The following TRIM55 variants were observed in gnomAD, a reference collection of about 807,000 sequenced individuals.
The protein encoded by TRIM55 is tripartite motif-containing protein 55.
A neutral mutation model predicts 60.9 loss-of-function variants in TRIM55; 50 were observed. The observed-to-expected ratio is 0.82, with a 90% CI of 0.65 to 1.04. The LOEUF is 1.04. Ranked by LOEUF, TRIM55 falls within the 50% of genes least tolerant of loss-of-function variation. TRIM55 has a pLI of 0.00. For synonymous variants in TRIM55, 237 were observed against 238.1 expected, an observed-to-expected ratio of 1.00 and a Z score of 0.04; for missense variants, 681 against 666.9, an observed-to-expected ratio of 1.02 and a Z score of -0.23.
At chr8:66,156,380 A>C (rs972988181) in intron 9 of TRIM55, among the ~76,000 whole-genome samples, 3 of 152,194 alleles carry the variant, frequency 2.0e-5, no homozygotes, top group African/African-American at 7.2e-5. Flanking sequence ...ACCAGCTATC[A>C]GGAATTAGAA....
intron 1 of TRIM55, 107 bp downstream of exon 1, chr8:66,127,543 G>A: frequency 7.3e-7 from 1 of 1,374,500 alleles, no homozygotes; most frequent in South Asian, 1.3e-5. Flanking sequence ...ACTTTATAAG[G>A]TTGCCGGGCG....
chr8:66,162,609 T>C (rs556438798), intron 9 of TRIM55, among the ~76,000 whole-genome samples: 5 of 152,250 alleles, frequency 3.3e-5, no homozygotes, highest in Non-Finnish European at 7.4e-5. Flanking sequence ...AATTCTTCTT[T>C]GAATGTCTGA....
At chr8:66,114,695 C>T in the TRIM55 span, 1 of 453,652 alleles carries the variant, frequency 2.2e-6, no homozygotes, top group South Asian at 1.6e-5. Context: ...AACTGTTCGG[C>T]CCCATCTCAA....
At chr8:66,133,210 A>C (rs903667705) in intron 2 of TRIM55, among the ~76,000 whole-genome samples, 1 of 152,208 alleles carries the variant, frequency 6.6e-6, no homozygotes. Context: ...CAGGAGTGCC[A>C]GGTGATCCCA....
At chr8:66,171,870 T>C (rs949797716) in intron 9 of TRIM55, among the ~76,000 whole-genome samples, 1 of 152,202 alleles carries the variant, frequency 6.6e-6, no homozygotes, top group African/African-American at 2.4e-5. Flanking sequence ...GACAGTGTCA[T>C]TGATGCCTGT....
chr8:66,160,291 AAT>A (rs779867704), intron 9 of TRIM55, among the ~76,000 whole-genome samples: 46 of 152,102 alleles, frequency 3.0e-4, no homozygotes, highest in Non-Finnish European at 5.1e-4. Flanking sequence ...AATAGTCTCC[AAT>A]TCCATCCAGG....
chr8:66,155,521 C>A (rs1563385066), intron 9 of TRIM55: 1 of 794,620 alleles, frequency 1.3e-6, no homozygotes, highest in Non-Finnish European at 2.0e-6. Flanking sequence ...CCATGAAGAG[C>A]ACGTAGTAGG....
chr8:66,152,170 A>G, intron 7 of TRIM55: 2 of 632,952 alleles, frequency 3.2e-6, no homozygotes. Context: ...AACAAGGAGG[A>G]TAGGGATGGT....
chr8:66,147,811 A>C (rs555102762), intron 4 of TRIM55, among the ~76,000 whole-genome samples: 16 of 144,998 alleles, frequency 1.1e-4, no homozygotes, highest in South Asian at 6.3e-4. Flanking sequence ...AAAAAAAAAA[A>C]AAAAAACCAC....
chr8:66,145,420 G>A (rs574796008), intron 4 of TRIM55, among the ~76,000 whole-genome samples: 1 of 151,972 alleles, frequency 6.6e-6, no homozygotes, highest in Admixed American at 6.6e-5. Context: ...AGAGAAAAAA[G>A]TTTTTTCCAT....
intron 9 of TRIM55, among the ~76,000 whole-genome samples, chr8:66,173,023 G>A (rs1811731704): frequency 6.6e-6 from 1 of 152,132 alleles, no homozygotes; most frequent in Non-Finnish European, 1.5e-5. Context: ...GGGCAAGGAA[G>A]GAGTTGGACG....
rs1809407717 is a variant in TRIM55, at chr8:66,135,151, A to G, written c.503A>G (p.Gln168Arg). ...CCCCTCACTCATGTGTTCCAGAGAC[A>G]GAAGGTAACAGAGCTGCTCCCTCCC... ...VAPLTHVFQRQKSELSDGIAI... is the reference protein window; with the variant it reads ...VAPLTHVFQRRKSELSDGIAI... The change falls in exon 3 of 10, where the codon CAG becomes CGG. Residue 168 changes from glutamine (Q) to arginine (R), a missense_variant. By Grantham distance (43) the Gln-to-Arg change is conservative. Coordinates refer to ENST00000315962, the MANE Select transcript of TRIM55 (RefSeq NM_184085.2). 6.2e-7 allele frequency: 1 copy of G among 1,613,978 alleles called. No individual in the cohort carries two copies. Among genetic ancestry groups the G allele is most frequent in the Admixed American group, 1.7e-5 (1 of 59,988 alleles).
intron 2 of TRIM55, among the ~76,000 whole-genome samples, chr8:66,134,685 T>A (rs1381120191): frequency 6.6e-6 from 1 of 152,082 alleles, no homozygotes; most frequent in African/African-American, 2.4e-5. Context: ...TTAAATAACT[T>A]AAAATTGGCC....
chr8:66,162,458 A>G (rs1274621434), intron 9 of TRIM55, among the ~76,000 whole-genome samples: 2 of 150,932 alleles, frequency 1.3e-5, no homozygotes, highest in Admixed American at 6.6e-5. Context: ...TATGTTCATC[A>G]GGGATATTGG....
intron 2 of TRIM55, among the ~76,000 whole-genome samples, chr8:66,129,037 G>A (rs971174900): frequency 3.9e-5 from 6 of 152,006 alleles, no homozygotes; most frequent in Admixed American, 3.9e-4. Flanking sequence ...TGGCCTTTAG[G>A]GACTTAAACT....
the TRIM55 span, among the ~76,000 whole-genome samples, chr8:66,121,116 T>C: frequency 6.6e-6 from 1 of 152,234 alleles, no homozygotes; most frequent in African/African-American, 2.4e-5. Flanking sequence ...TTTTTGTTGT[T>C]ACCCTTCAGC....
Position 66,135,057 on chromosome 8 carries a change from C to T in TRIM55, c.409C>T (p.Leu137=). The change falls in exon 3 of 10, where the codon CTG becomes TTG. Residue 137 remains leucine (L), a synonymous_variant. Transcript: ENST00000315962. ...AGAGGAGCGCATCAACATCTACTGT[C>T]TGAACTGCGAAGTACCCACCTGCTC... ...HEEERINIYC[L]NCEVPTCSLC... 1 of 1,614,232 alleles carries T rather than the reference C, an allele frequency of 6.2e-7. No individual in the cohort carries two copies. Among genetic ancestry groups the T allele is most frequent in the Non-Finnish European group, 8.5e-7 (1 of 1,180,048 alleles).
chr8:66,126,138 A>T (rs1397752963), upstream of TRIM55, among the ~76,000 whole-genome samples: 1 of 152,226 alleles, frequency 6.6e-6, no homozygotes, highest in East Asian at 1.9e-4. Context: ...AAGGGAGAAT[A>T]GGTATTTTGG....
the TRIM55 span, among the ~76,000 whole-genome samples, chr8:66,113,988 C>T: frequency 2.6e-5 from 4 of 151,224 alleles, no homozygotes; most frequent in Non-Finnish European, 4.4e-5. Context: ...GTGCCCGCTC[C>T]CTTCGATAGC....
Sources: gnomAD v4.1 joint callset for allele counts (sites outside exome capture counted in the v4.1 genomes callset) on GRCh38, gnomAD v4.1.1 for gene constraint, MANE v1.5 for transcripts, NCBI Gene and HGNC (gene_info 2026-07-23, HGNC 2026-07-21) for gene names.